The following SLC9A3 variants were observed in gnomAD, a reference collection of about 807,000 sequenced individuals.
SLC9A3 encodes the protein solute carrier family 9 member A3.
Under a neutral mutation model 86.8 loss-of-function variants are expected in SLC9A3, and 37 were observed. The observed-to-expected ratio is 0.43, with a 90% confidence interval of 0.33 to 0.56. The LOEUF (loss-of-function observed/expected upper bound fraction) is 0.56, where lower values mean the gene tolerates loss of function less well. SLC9A3 is among the 20% of genes least tolerant of loss of function. The pLI is 0.06. For missense variants in SLC9A3, 1,011 were observed against 1,171.9 expected, an observed-to-expected ratio of 0.86 and a Z score of 2.00; for synonymous variants, 581 against 528.3, an observed-to-expected ratio of 1.10 and a Z score of -1.37.
intron 6 of SLC9A3, 54 bp from the exon 7 acceptor site, chr5:482,804 A>C (rs1232074782): frequency 4.2e-6 from 6 of 1,428,444 alleles, no homozygotes; most frequent in Non-Finnish European, 5.8e-6. Flanking sequence ...CAGCCGCGGG[A>C]CCCCAGCCCC....
In SLC9A3 at chr5:473,120, C is replaced by A; in HGVS notation, c.*259G>T. 7.1e-6 allele frequency: 1 copy of A among 141,604 alleles called. No individual in the cohort carries two copies. The highest frequency in any genetic ancestry group is 1.4e-5 in the Non-Finnish European group (1 of 72,992). The allele number at this position is 141,604 out of a possible 1,614,324, so 8.8% of individuals were successfully genotyped here. ...GGCGCGCCGCCGCCGAACGCGCGTG[C>A]GCACTCGGCAGCCCTCGGCGCTCCG... is the stretch of plus-strand genomic sequence containing the variant. On this transcript the variant is annotated 3_prime_UTR_variant, in exon 17 of 17. Transcript: ENST00000264938.
rs1738475811 is a variant in SLC9A3 at position 473,115 on chromosome 5, G to C, written c.*264C>G. On this transcript the variant is annotated 3_prime_UTR_variant, in exon 17 of 17. Coordinates refer to ENST00000264938, the MANE Select transcript of SLC9A3 (RefSeq NM_004174.4). ...CACGCGGCGCGCCGCCGCCGAACGC[G>C]CGTGCGCACTCGGCAGCCCTCGGCG... 6.6e-6 allele frequency: 1 copy of C among 150,768 alleles called. No homozygotes were observed. Among genetic ancestry groups the C allele is most frequent in the African/African-American group, 3.2e-5 (1 of 31,452 alleles). 9.3% of individuals were successfully genotyped at this position (150,768 alleles called of 1,614,324 possible).
At chr5:501,766 T>C (rs1740288682) in intron 1 of SLC9A3, among the ~76,000 whole-genome samples, 1 of 152,178 alleles carries the variant, frequency 6.6e-6, no homozygotes, top group Admixed American at 6.5e-5. Flanking sequence ...GTGTCGGCCG[T>C]CAAGCCCAGG....
intron 16 of SLC9A3, among the ~76,000 whole-genome samples, chr5:473,849 C>G (rs890782096): frequency 6.6e-6 from 1 of 152,224 alleles, no homozygotes; most frequent in Non-Finnish European, 1.5e-5. Flanking sequence ...CTCCCTGTAT[C>G]CCTGTGAGAG....
rs1739843086 is a variant in SLC9A3 at position 492,734 on chromosome 5, C to A, written c.212-663G>T. On this transcript the variant is annotated intron_variant, in intron 1 of 16. Coordinates refer to ENST00000264938, the MANE Select transcript of SLC9A3 (RefSeq NM_004174.4). ...CCCGGACCCCCAACTCGCTCTGTGC[C>A]TTTTGCCTTGGTGACCAAGGTCTGA... is the stretch of plus-strand genomic sequence containing the variant. Among the ~76,000 whole-genome samples the A allele has an allele frequency of 2.6e-5, 4 of 152,268 alleles. 1 individual carries two copies. The South Asian group carries it at 8.3e-4, about 32-fold the overall frequency.
intron 5 of SLC9A3, among the ~76,000 whole-genome samples, chr5:484,089 C>G (rs1168824620): frequency 6.6e-6 from 1 of 151,664 alleles, no homozygotes; most frequent in Non-Finnish European, 1.5e-5. Flanking sequence ...GGCTGGCTCA[C>G]CCCGCCGGAC....
At chr5:485,448 G>GAA (rs1739420877) in intron 3 of SLC9A3, among the ~76,000 whole-genome samples, 1 of 152,266 alleles carries the variant, frequency 6.6e-6, no homozygotes, top group Admixed American at 6.5e-5. Context: ...GAGGGGACCA[G>GAA]AAGCTTTGGG....
chr5:508,685 G>C (rs565438053), intron 1 of SLC9A3, among the ~76,000 whole-genome samples: 1 of 152,128 alleles, frequency 6.6e-6, no homozygotes, highest in African/African-American at 2.4e-5. Flanking sequence ...GCCGCAGGGA[G>C]ACGCAGGCCT....
intron 1 of SLC9A3, among the ~76,000 whole-genome samples, chr5:500,088 G>A (rs565619260): frequency 7.2e-5 from 11 of 152,384 alleles, no homozygotes; most frequent in South Asian, 2.1e-4. Flanking sequence ...CAGGTCCACC[G>A]CACTGACTGC....
intron 14 of SLC9A3, 111 bp downstream of exon 14, chr5:475,909 G>GA: frequency 2.0e-6 from 2 of 978,664 alleles, no homozygotes; most frequent in Non-Finnish European, 3.0e-6. Flanking sequence ...TGGGTGGCTG[G>GA]AGGGTCCCCA....
At position 476,226 on chromosome 5, in the gene SLC9A3, G is replaced by A. The variant is rs1738722344; in HGVS notation, c.2043C>T (p.Tyr681=). ...CCCGCTTCTGGGCACGCTCCCGCTT[G>A]TACAGCTTGGCCGCCTTCTTGTTCT... The part of the protein sequence containing the change: ...LNQNKKAAKL[Y]KRERAQKRRN... The change falls in exon 13 of 17, where the codon TAC becomes TAT. Residue 681 remains tyrosine (Y), a synonymous_variant. Coordinates refer to ENST00000264938, the MANE Select transcript of SLC9A3 (RefSeq NM_004174.4). The A allele has an allele frequency of 1.2e-6, 2 of 1,613,750 alleles. No homozygotes were observed. The highest frequency in any genetic ancestry group is 2.7e-5 in the African/African-American group (2 of 74,910).
At chr5:514,995 A>G (rs1157270197) in intron 1 of SLC9A3, among the ~76,000 whole-genome samples, 1 of 152,132 alleles carries the variant, frequency 6.6e-6, no homozygotes, top group African/African-American at 2.4e-5. Flanking sequence ...GGGATGGTCC[A>G]GCACAAAGCC....
In SLC9A3 at chr5:472,072, T is replaced by C; in HGVS notation, c.*1307A>G. The C allele has an allele frequency of 2.2e-6, 1 of 449,500 alleles. No individual in the cohort carries two copies. The highest frequency in any genetic ancestry group is 1.6e-5 in the South Asian group (1 of 63,606). The allele number at this position is 449,500 out of a possible 1,614,324, so 27.8% of individuals were successfully genotyped here. On this transcript the variant is annotated 3_prime_UTR_variant, in exon 17 of 17. Transcript: ENST00000264938. ...ACCACTTCCACCGTGCAGGCAGGTT[T>C]CAGGTGGGTTGGACCCTGTGGGACT... is the stretch of plus-strand genomic sequence containing the variant.
chr5:513,818 G>A (rs1040313191), intron 1 of SLC9A3, among the ~76,000 whole-genome samples: 3 of 152,220 alleles, frequency 2.0e-5, no homozygotes, highest in Admixed American at 6.5e-5. Flanking sequence ...AACTTCCCAC[G>A]GCCAGCCCTT....
intron 1 of SLC9A3, among the ~76,000 whole-genome samples, chr5:521,998 G>A (rs761949059): frequency 4.6e-5 from 7 of 152,218 alleles, no homozygotes; most frequent in Admixed American, 6.5e-5. Flanking sequence ...TGTCACTGCC[G>A]GGGCTGCAGA....
At chr5:490,383 T>C (rs1255771661) in intron 2 of SLC9A3, among the ~76,000 whole-genome samples, 1 of 150,170 alleles carries the variant, frequency 6.7e-6, no homozygotes, top group Admixed American at 6.6e-5. Context: ...GTGTGGGGAG[T>C]CCTCCAGGGC....
chr5:492,236 A>G (rs188742519), intron 1 of SLC9A3, among the ~76,000 whole-genome samples, 165 bp from the exon 2 acceptor site: 42 of 3,392 alleles, frequency 0.012, 3 homozygotes, highest in South Asian at 0.021. Context: ...TCGTGGAGGA[A>G]GGGAGGAAGG....
intron 5 of SLC9A3, among the ~76,000 whole-genome samples, chr5:483,972 CTCACGGGGGT>C (rs1245532597): frequency 6.6e-6 from 1 of 152,274 alleles, no homozygotes; most frequent in Non-Finnish European, 1.5e-5. Context: ...TGTACTTCCC[CTCACGGGGGT>C]TCACGGGGAA....
In SLC9A3 at chr5:491,657, C is replaced by T; in HGVS notation, c.514+112G>A. On this transcript the variant is annotated intron_variant, in intron 2 of 16. Transcript: ENST00000264938. This position sits in a 1 kb window ranked among gnomAD's most constrained non-coding sequence, Gnocchi z 9.2. ...TGCCAGCCACGTTTCTCACCTGACA[C>T]TTACCGCCTGGAGGCCAGGGTGCGG... 2.0e-6 allele frequency: 2 copies of T among 1,018,218 alleles called. No individual in the cohort carries two copies. The highest frequency in any genetic ancestry group is 2.7e-5 in the East Asian group (1 of 37,598). The allele number at this position is 1,018,218 out of a possible 1,614,324, so 63.1% of individuals were successfully genotyped here.
Sources: gnomAD v4.1 joint callset for allele counts (sites outside exome capture counted in the v4.1 genomes callset) on GRCh38, gnomAD v4.1.1 for gene constraint, Gnocchi (gnomAD v3.1) non-coding constraint, MANE v1.5 for transcripts, NCBI Gene and HGNC (gene_info 2026-07-23, HGNC 2026-07-21) for gene names.